MAP3K15: variants seen among roughly 807,000 people sequenced by gnomAD.
The protein encoded by MAP3K15 is mitogen-activated protein kinase kinase kinase 15, also known as MAPK/ERK kinase kinase 15.
In MAP3K15, 124 loss-of-function variants were observed where a neutral mutation model predicts 99.5. That is an observed-to-expected ratio of 1.25 (90% CI 1.08 to 1.45). The LOEUF (loss-of-function observed/expected upper bound fraction) is 1.45. MAP3K15 is among the 40% of genes most tolerant of loss of function. The pLI, the probability that MAP3K15 is intolerant of heterozygous loss-of-function variation, is 0.00. For missense variants in MAP3K15, 1,242 were observed against 1,079.7 expected, an observed-to-expected ratio of 1.15 and a Z score of -2.11; for synonymous variants, 494 against 439.6, an observed-to-expected ratio of 1.12 and a Z score of -1.55.
chrX:19,438,422 G>C (rs1156465624), intron 6 of MAP3K15, among the ~76,000 whole-genome samples: 2 of 111,999 alleles, frequency 1.8e-5, no homozygotes, highest in Non-Finnish European at 3.8e-5. Context: ...TGTAAAAAAT[G>C]CACAGAATAA....
rs763688379 is a variant in MAP3K15, at chrX:19,360,157, TA to T, written c.*591del. On this transcript the variant is annotated 3_prime_UTR_variant, in exon 29 of 29. Transcript: ENST00000338883. ...TTTTGTAATCATTTCAAAGGCCACATAACTTAGTTTTCTCTACTTACACATT... is the reference window on the plus strand; with the variant it reads ...TTTTGTAATCATTTCAAAGGCCACATACTTAGTTTTCTCTACTTACACATT... 5 of 152,159 alleles carry T rather than the reference TA, an allele frequency of 3.3e-5. No individual in the cohort carries two copies. The highest frequency in any genetic ancestry group is 1.3e-4 in the African/African-American group (4 of 31,776). 12.5% of individuals were successfully genotyped at this position (152,159 alleles called of 1,213,427 possible). A position where few individuals can be genotyped will look rare whatever the true frequency, so the allele number is the denominator to read the frequency against.
Position 19,416,339 on chromosome X carries a change from A to C in MAP3K15, c.1440-1082T>G, listed in dbSNP as rs749707992. Among the ~76,000 whole-genome samples the C allele has an allele frequency of 1.6e-3, 178 of 109,026 alleles. 2 individuals carry two copies. The highest frequency in any genetic ancestry group is 5.7e-3 in the African/African-American group (169 of 29,489). 94.7% of individuals were successfully genotyped at this position (109,026 alleles called of 115,157 possible). On this transcript the variant is annotated intron_variant, in intron 9 of 28. Coordinates refer to ENST00000338883, the MANE Select transcript of MAP3K15 (RefSeq NM_001001671.4). Reference sequence around the variant, plus strand: ...GAGCGAGACTCTGTCTCAAAAACAAACAACCAAAAAAAAAAAACTTCCACC... The same window carrying C: ...GAGCGAGACTCTGTCTCAAAAACAACCAACCAAAAAAAAAAAACTTCCACC...
intron 16 of MAP3K15, among the ~76,000 whole-genome samples, chrX:19,392,838 G>A (rs1488424503): frequency 1.8e-5 from 2 of 111,185 alleles, no homozygotes; most frequent in African/African-American, 6.5e-5. Context: ...CAGGTCCCAT[G>A]ACACTTGTTT....
In MAP3K15 at chrX:19,429,119, G is replaced by A. The variant is rs6633254; in HGVS notation, c.1166+2319C>T. Among the ~76,000 whole-genome samples the A allele has an allele frequency of 6.5e-4, 73 of 111,613 alleles. 1 individual carries two copies. The East Asian group carries it at 0.02, about 30-fold the overall frequency. On this transcript the variant is annotated intron_variant, in intron 7 of 28. Transcript: ENST00000338883. ...ACACACACCAGGTAGTGGGAAACAA[G>A]GCTAGAGGTAGGTTGGAGAAAGTGT...
In MAP3K15 at chrX:19,425,551, GA is replaced by G. The variant is rs1569220913; in HGVS notation, c.1418del (p.Phe473SerfsTer3). ...GKAVQAAERL[F>X]KLKPPVWYLR... ...CTCACCAGACTGGAGGTTTCAGTTTGAACAACCTCTCTGCTGCCTGGACGGC... is the reference window on the plus strand; with the variant it reads ...CTCACCAGACTGGAGGTTTCAGTTTGACAACCTCTCTGCTGCCTGGACGGC... On this transcript the variant is annotated frameshift_variant, in exon 9 of 29. Coordinates refer to ENST00000338883, the MANE Select transcript of MAP3K15 (RefSeq NM_001001671.4). LOFTEE classifies it high-confidence loss of function. 3 of 1,196,084 alleles carry G rather than the reference GA, an allele frequency of 2.5e-6. No homozygotes were observed. The highest frequency in any genetic ancestry group is 2.2e-5 in the Admixed American group (1 of 45,428).
At chrX:19,402,851 G>A (rs1281187113) in intron 13 of MAP3K15, among the ~76,000 whole-genome samples, 5 of 111,157 alleles carry the variant, frequency 4.5e-5, no homozygotes, top group Non-Finnish European at 9.4e-5. Context: ...TTTTTGTAGA[G>A]ACGAGGGTCT....
At chrX:19,494,144 C>G (rs1350957983) in intron 1 of MAP3K15, among the ~76,000 whole-genome samples, 4 of 111,076 alleles carry the variant, frequency 3.6e-5, no homozygotes, top group Non-Finnish European at 5.7e-5. Context: ...CACACCCACC[C>G]TACCTATCTT....
At chrX:19,498,380 C>T (rs1469662086) in intron 1 of MAP3K15, among the ~76,000 whole-genome samples, 1 of 111,491 alleles carries the variant, frequency 9.0e-6, no homozygotes, top group African/African-American at 3.3e-5. Context: ...TGAATCTCTA[C>T]ACAGGGGTCT....
At chrX:19,456,497 A>G in intron 6 of MAP3K15, among the ~76,000 whole-genome samples, 1 of 112,345 alleles carries the variant, frequency 8.9e-6, no homozygotes, top group Non-Finnish European at 1.9e-5. Context: ...AAGGAGCACA[A>G]GGGAACTTCT....
chrX:19,452,631 T>C (rs895940725), intron 6 of MAP3K15, among the ~76,000 whole-genome samples: 2 of 111,514 alleles, frequency 1.8e-5, no homozygotes, highest in African/African-American at 6.5e-5. Flanking sequence ...GGTCTGTACA[T>C]ACAATGGATT....
chrX:19,369,250 A>G, intron 24 of MAP3K15, 31 bp from the exon 25 acceptor site: 1 of 1,210,078 alleles, frequency 8.3e-7, no homozygotes, highest in African/African-American at 1.7e-5. Flanking sequence ...GACAATGGTG[A>G]GCAAACCAGG....
chrX:19,453,047 C>T (rs2064066764), intron 6 of MAP3K15, among the ~76,000 whole-genome samples: 1 of 110,964 alleles, frequency 9.0e-6, no homozygotes, highest in Non-Finnish European at 1.9e-5. Flanking sequence ...AAGGGAGCAA[C>T]GGGCAGCTGT....
chrX:19,467,896 C>T (rs2064179726), intron 3 of MAP3K15, among the ~76,000 whole-genome samples: 1 of 111,278 alleles, frequency 9.0e-6, no homozygotes, highest in African/African-American at 3.3e-5. Flanking sequence ...ATTGTCCCTG[C>T]CCCAGCTCCC....
intron 20 of MAP3K15, among the ~76,000 whole-genome samples, 178 bp from the exon 21 acceptor site, chrX:19,373,873 T>C (rs2063398988): frequency 9.0e-6 from 1 of 110,959 alleles, no homozygotes; most frequent in Admixed American, 9.6e-5. Context: ...TGCATGCAGT[T>C]GGGGGTCCCT....
At position 19,371,076 on chromosome X, in the gene MAP3K15, A is replaced by G. The variant is rs757572684; in HGVS notation, c.3295-12T>C. On this transcript the variant is annotated splice_polypyrimidine_tract_variant and intron_variant, in intron 23 of 28. Transcript: ENST00000338883. ...AAAATTTTATTTACCTAAAAAAAAA[A>G]AAAATAATAAAATAAACTAAAATCA... 3.4e-5 allele frequency: 37 copies of G among 1,078,658 alleles called. 1 individual carries two copies. Among genetic ancestry groups the G allele is most frequent in the Middle Eastern group, 6.8e-4 (2 of 2,927 alleles). 88.9% of individuals were successfully genotyped at this position (1,078,658 alleles called of 1,213,427 possible). A position where few individuals can be genotyped will look rare whatever the true frequency, so the allele number is the denominator to read the frequency against.
In MAP3K15 at chrX:19,488,882, G is replaced by GTCAAA. The variant is rs1569241394; in HGVS notation, c.446_447insTTTGA (p.Asn150LeufsTer5). On this transcript the variant is annotated frameshift_variant, in exon 2 of 29. Coordinates refer to ENST00000338883, the MANE Select transcript of MAP3K15 (RefSeq NM_001001671.4). LOFTEE classifies it high-confidence loss of function. ...TGTCATGGTACAAGATCACATTATT[G>GTCAAA]GCCATGTCAAAGCTTTCTCGGACTC... 8.3e-7 allele frequency: 1 copy of GTCAAA among 1,198,816 alleles called. No individual in the cohort carries two copies. Among genetic ancestry groups the GTCAAA allele is most frequent in the African/African-American group, 1.7e-5 (1 of 57,634 alleles).
chrX:19,375,530 C>T (rs2063410898), intron 19 of MAP3K15, among the ~76,000 whole-genome samples: 1 of 112,382 alleles, frequency 8.9e-6, no homozygotes, highest in Non-Finnish European at 1.9e-5. Context: ...TAGCCCCCTC[C>T]TTCATAACTG....
intron 6 of MAP3K15, among the ~76,000 whole-genome samples, chrX:19,444,672 A>T (rs966914483): frequency 8.9e-6 from 1 of 112,008 alleles, no homozygotes; most frequent in African/African-American, 3.2e-5. Flanking sequence ...AAACTACAAG[A>T]AACTAAAATT....
chrX:19,446,866 ATTAT>A (rs1047100647), intron 6 of MAP3K15, among the ~76,000 whole-genome samples: 2 of 111,193 alleles, frequency 1.8e-5, no homozygotes, highest in African/African-American at 6.5e-5. Context: ...TTTTAAAAAA[ATTAT>A]TTATTTATAT....
Sources: allele counts gnomAD v4.1 joint callset (sites outside exome capture counted in the v4.1 genomes callset), GRCh38; gene constraint gnomAD v4.1.1; transcripts MANE v1.5; gene names NCBI Gene and HGNC (gene_info 2026-07-23, HGNC 2026-07-21).